Variants in ST18 observed in about 807,000 individuals in gnomAD.
ST18 encodes the protein suppression of tumorigenicity 18 protein.
ST18 carries 50 observed loss-of-function variants against 110.0 expected under a neutral mutation model. That is an observed-to-expected ratio of 0.45 (90% confidence interval 0.36 to 0.58). The LOEUF (loss-of-function observed/expected upper bound fraction) is 0.58, where lower values mean the gene tolerates loss of function less well. ST18 is among the 20% of genes least tolerant of loss of function. The pLI, the probability that ST18 is intolerant of heterozygous loss-of-function variation, is 0.00. For synonymous variants in ST18, 461 were observed against 452.4 expected (o/e 1.02, Z -0.24); for missense variants, 1,306 against 1,280.1 (o/e 1.02, Z -0.31).
At chr8:52,339,062 T>C (rs1024416180) in intron 2 of ST18, among the ~76,000 whole-genome samples, 2 of 152,138 alleles carry the variant, frequency 1.3e-5, no homozygotes, top group Non-Finnish European at 2.9e-5. Context: ...GGTTCTCTGC[T>C]TAGGGTTTCA....
chr8:52,381,862 A>C (rs1254167447), intron 2 of ST18, among the ~76,000 whole-genome samples: 8 of 152,162 alleles, frequency 5.3e-5, no homozygotes, highest in Admixed American at 5.2e-4. Flanking sequence ...CATTACAAAC[A>C]ATGCACAATG....
At chr8:52,150,404 T>A (rs897913526) in intron 15 of ST18, among the ~76,000 whole-genome samples, 1 of 152,220 alleles carries the variant, frequency 6.6e-6, no homozygotes, top group African/African-American at 2.4e-5. Flanking sequence ...TTTGTGTTTA[T>A]CAAAAGGCAT....
Position 52,165,288 on chromosome 8 carries a change from C to CGT in ST18, c.1205-65_1205-64dup. 15 of 1,513,422 alleles carry CGT rather than the reference C, an allele frequency of 9.9e-6. No homozygotes were observed. The South Asian group carries it at 1.6e-4, about 16-fold the overall frequency. 93.7% of individuals were successfully genotyped at this position (1,513,422 alleles called of 1,614,324 possible). ...ACCATAAATACAAAGCACACTAACA[C>CGT]GTGTATCTCTCAACTTTGCATTTAA... is the stretch of plus-strand genomic sequence containing the variant. On this transcript the variant is annotated intron_variant, in intron 11 of 25. Coordinates refer to ENST00000689386, the MANE Select transcript of ST18 (RefSeq NM_001352837.2).
chr8:52,236,544 G>A (rs1225584138), intron 2 of ST18, among the ~76,000 whole-genome samples: 1 of 151,356 alleles, frequency 6.6e-6, no homozygotes, highest in African/African-American at 2.4e-5. Context: ...CCAGGAGGCG[G>A]AGGTTGCAGT....
At chr8:52,405,068 C>T (rs188431125) in intron 2 of ST18, 1 of 152,256 alleles carries the variant, frequency 6.6e-6, no homozygotes, top group Non-Finnish European at 1.5e-5. Context: ...CTTATACAAA[C>T]GTTATGCTTA....
chr8:52,183,169 A>G (rs2070568738), intron 8 of ST18, among the ~76,000 whole-genome samples: 1 of 152,188 alleles, frequency 6.6e-6, no homozygotes, highest in Middle Eastern at 3.2e-3. Context: ...GTTAGAGTAG[A>G]ACCTGGATGA....
chr8:52,202,695 A>C (rs548027739), intron 8 of ST18, among the ~76,000 whole-genome samples: 1 of 152,366 alleles, frequency 6.6e-6, no homozygotes, highest in Non-Finnish European at 1.5e-5. Context: ...TACAAATTCC[A>C]TATGTCAAAA....
chr8:52,282,220 G>GA (rs953314701), intron 2 of ST18, among the ~76,000 whole-genome samples: 4 of 151,802 alleles, frequency 2.6e-5, no homozygotes, highest in Admixed American at 2.0e-4. Context: ...AAAAAAAGAA[G>GA]AAAAAACCCA....
At chr8:52,169,233 A>G (rs533631007) in intron 10 of ST18, among the ~76,000 whole-genome samples, 2 of 151,472 alleles carry the variant, frequency 1.3e-5, no homozygotes, top group East Asian at 3.9e-4. Context: ...GCCTGGGGCG[A>G]CTCTCAGGCT....
intron 2 of ST18, among the ~76,000 whole-genome samples, chr8:52,258,299 T>A (rs1248971028): frequency 6.6e-6 from 1 of 152,182 alleles, no homozygotes; most frequent in African/African-American, 2.4e-5. Context: ...GATCAACTTG[T>A]CAGTTTCTGA....
intron 2 of ST18, among the ~76,000 whole-genome samples, chr8:52,252,921 T>C (rs2094385398): frequency 1.3e-5 from 2 of 151,952 alleles, no homozygotes; most frequent in South Asian, 4.1e-4. Context: ...TAGGGAAGCC[T>C]AATTTTAGTC....
chr8:52,378,019 T>A (rs978451423), intron 2 of ST18, among the ~76,000 whole-genome samples: 2 of 152,162 alleles, frequency 1.3e-5, no homozygotes, highest in Non-Finnish European at 2.9e-5. Context: ...CAAAGACAAA[T>A]TTCACATGTA....
chr8:52,134,962 A>G (rs1033993612), intron 19 of ST18, among the ~76,000 whole-genome samples: 1 of 152,244 alleles, frequency 6.6e-6, no homozygotes, highest in African/African-American at 2.4e-5. Flanking sequence ...CTTATTAGAT[A>G]GCTGTATAAA....
chr8:52,329,760 A>G lies in ST18; in HGVS notation c.-465+79568T>C, dbSNP rs138126864. Among the ~76,000 whole-genome samples the G allele has an allele frequency of 2.9e-3, 444 of 151,372 alleles. 2 individuals are homozygous for G. Among genetic ancestry groups the G allele is most frequent in the African/African-American group, 0.01 (429 of 41,266 alleles). ...TGGGCCACAGAGCGAGGCTCTGTCT[A>G]AAAAAAAAGAAAGAAACAAAAAAAG... On this transcript the variant is annotated intron_variant, in intron 2 of 25. Transcript: ENST00000689386.
chr8:52,223,041 A>G (rs1418210414), intron 3 of ST18, among the ~76,000 whole-genome samples: 2 of 152,312 alleles, frequency 1.3e-5, no homozygotes, highest in Middle Eastern at 3.4e-3. Flanking sequence ...ACCCAATTCT[A>G]AAGTGTGCTC....
Position 52,408,417 on chromosome 8 carries a change from G to A in ST18, c.-465+911C>T, listed in dbSNP as rs143570623. Reference sequence around the variant, plus strand: ...TGACTGGAACACCACTGTGAGCCTCGCTGTCTGCTCTCCCCCAGTTACAAG... The same window carrying A: ...TGACTGGAACACCACTGTGAGCCTCACTGTCTGCTCTCCCCCAGTTACAAG... On this transcript the variant is annotated intron_variant, in intron 2 of 25. Coordinates refer to ENST00000689386, the MANE Select transcript of ST18 (RefSeq NM_001352837.2). 4.1e-4 allele frequency among the ~76,000 whole-genome samples: 62 copies of A among 152,310 alleles called. No individual in the cohort carries two copies. The East Asian group carries it at 0.01, about 26-fold the overall frequency.
intron 8 of ST18, among the ~76,000 whole-genome samples, chr8:52,201,773 C>T (rs7841253): frequency 0.28 from 43,302 of 152,060 alleles, 8,824 homozygotes; most frequent in African/African-American, 0.58. Flanking sequence ...CGTCCTCAGA[C>T]TCCCTGGGCT....
At chr8:52,264,759 ACTG>A (rs2094813240) in intron 2 of ST18, among the ~76,000 whole-genome samples, 1 of 152,232 alleles carries the variant, frequency 6.6e-6, no homozygotes, top group Admixed American at 6.5e-5. Context: ...ACAAATCTAG[ACTG>A]CCCAGGACAC....
chr8:52,172,679 A>G (rs2065397205), intron 9 of ST18, 96 bp from the exon 10 acceptor site: 1 of 899,150 alleles, frequency 1.1e-6, no homozygotes, highest in African/African-American at 1.7e-5. Flanking sequence ...ATGCATTCAC[A>G]TACATAGGTA....
Sources: gnomAD v4.1 joint callset for allele counts (sites outside exome capture counted in the v4.1 genomes callset) on GRCh38, gnomAD v4.1.1 for gene constraint, MANE v1.5 for transcripts, NCBI Gene and HGNC (gene_info 2026-07-23, HGNC 2026-07-21) for gene names.